The following DRAM1 variants were observed in gnomAD, a reference collection of about 807,000 sequenced individuals.
DRAM1 encodes DNA damage regulated autophagy modulator 1, also known as DNA damage-regulated autophagy modulator protein 1.
DRAM1 carries 25 observed loss-of-function variants against 28.5 expected under a neutral mutation model. The ratio of observed to expected loss-of-function variants is 0.88; its 90% confidence interval spans 0.64 to 1.23. The LOEUF is 1.23. Among genes scored for constraint, DRAM1 ranks in the 50% most tolerant of loss-of-function variants. The probability of loss-of-function intolerance (pLI) is 0.00; values close to 1 mark genes in which losing one functional copy is unlikely to be tolerated. For synonymous variants in DRAM1, 113 were observed against 114.2 expected, an observed-to-expected ratio of 0.99 and a Z score of 0.07; for missense variants, 249 against 299.2, an observed-to-expected ratio of 0.83 and a Z score of 1.24.
At chr12:101,917,561 C>T (rs570400352) in intron 5 of DRAM1, among the ~76,000 whole-genome samples, 1 of 152,036 alleles carries the variant, frequency 6.6e-6, no homozygotes, top group East Asian at 1.9e-4. Context: ...TGGCACACAC[C>T]TGTAGTCCCA....
chr12:101,913,434 G>A (rs1347122748), intron 4 of DRAM1, among the ~76,000 whole-genome samples: 2 of 151,986 alleles, frequency 1.3e-5, no homozygotes, highest in Non-Finnish European at 1.5e-5. Context: ...GGCCGGGCAC[G>A]GTGGCTCATG....
intron 6 of DRAM1, 96 bp downstream of exon 6, chr12:101,920,297 C>G: frequency 3.7e-6 from 1 of 272,796 alleles, no homozygotes; most frequent in African/African-American, 1.1e-4. Flanking sequence ...AGAGCACTTT[C>G]TTTTTTTTTT....
chr12:101,889,481 A>AGAAGGAAG (rs146359103), intron 1 of DRAM1, among the ~76,000 whole-genome samples: 13 of 139,464 alleles, frequency 9.3e-5, no homozygotes, highest in African/African-American at 2.5e-4. Context: ...TGAGAAGAGA[A>AGAAGGAAG]GAAGGAAGGA....
intron 1 of DRAM1, among the ~76,000 whole-genome samples, chr12:101,883,514 C>T (rs979452245): frequency 6.6e-6 from 1 of 151,376 alleles, no homozygotes; most frequent in Non-Finnish European, 1.5e-5. Flanking sequence ...CGGGGTTTCA[C>T]CATGTTAGCC....
At chr12:101,904,977 C>T (rs542521109) in intron 3 of DRAM1, among the ~76,000 whole-genome samples, 1 of 152,304 alleles carries the variant, frequency 6.6e-6, no homozygotes, top group Admixed American at 6.5e-5. Flanking sequence ...TCACTGTAAC[C>T]TTGAACGCTT....
intron 1 of DRAM1, among the ~76,000 whole-genome samples, chr12:101,889,758 G>T (rs1370753384): frequency 6.6e-6 from 1 of 152,060 alleles, no homozygotes; most frequent in Non-Finnish European, 1.5e-5. Context: ...TGGCCAACAT[G>T]ATGAAACCCC....
At chr12:101,903,954 CA>C (rs1873696695) in intron 3 of DRAM1, among the ~76,000 whole-genome samples, 3 of 141,762 alleles carry the variant, frequency 2.1e-5, no homozygotes, top group African/African-American at 9.2e-5. Context: ...CACACACACA[CA>C]CACACACCCC....
chr12:101,903,511 T>C (rs900802797), intron 3 of DRAM1, among the ~76,000 whole-genome samples: 4 of 152,142 alleles, frequency 2.6e-5, no homozygotes, highest in African/African-American at 9.7e-5. Flanking sequence ...AGAATGGTGT[T>C]ACAGGAGTGA....
At chr12:101,914,436 G>A (rs1428160861) in intron 5 of DRAM1, among the ~76,000 whole-genome samples, 1 of 151,512 alleles carries the variant, frequency 6.6e-6, no homozygotes, top group African/African-American at 2.4e-5. Context: ...CTTCCTGGAA[G>A]TATTTTCAAA....
intron 2 of DRAM1, among the ~76,000 whole-genome samples, chr12:101,900,935 A>G (rs77625943): frequency 9.3e-4 from 141 of 152,340 alleles, no homozygotes; most frequent in Non-Finnish European, 1.6e-3. Context: ...ACAGACCATG[A>G]TAAGATCCCT....
chr12:101,878,059 G>C, intron 1 of DRAM1, 139 bp downstream of exon 1: 1 of 1,193,892 alleles, frequency 8.4e-7, no homozygotes, highest in Non-Finnish European at 1.1e-6. Context: ...GAGGAGAGGT[G>C]CTCCCGATAG....
At chr12:101,903,848 TA>T (rs1194421555) in intron 3 of DRAM1, among the ~76,000 whole-genome samples, 4 of 151,678 alleles carry the variant, frequency 2.6e-5, no homozygotes, top group Admixed American at 1.3e-4. Flanking sequence ...AGGAATGCTT[TA>T]GCCCAGGAGT....
intron 1 of DRAM1, among the ~76,000 whole-genome samples, chr12:101,889,671 G>C (rs960704605): frequency 5.3e-5 from 8 of 152,192 alleles, no homozygotes; most frequent in African/African-American, 1.9e-4. Context: ...AGGACGTGGT[G>C]GCTTACGCCT....
rs761922080 is a variant in DRAM1, at chr12:101,914,097, A to G, written c.521-77A>G. On this transcript the variant is annotated intron_variant, in intron 4 of 6. Coordinates refer to ENST00000258534, the MANE Select transcript of DRAM1 (RefSeq NM_018370.3). ...TTTAACACCTTATAATGATTATGTT[A>G]TTAGGAGAATAATGTAGTCTTAACA... 3.3e-4 allele frequency: 300 copies of G among 896,256 alleles called. 1 individual carries two copies. The highest frequency in any genetic ancestry group is 3.9e-4 in the Non-Finnish European group (239 of 606,322). 55.5% of individuals were successfully genotyped at this position (896,256 alleles called of 1,614,324 possible). A position where few individuals can be genotyped will look rare whatever the true frequency, so the allele number is the denominator to read the frequency against.
At chr12:101,881,345 T>G (rs998433916) in intron 1 of DRAM1, among the ~76,000 whole-genome samples, 2 of 113,952 alleles carry the variant, frequency 1.8e-5, no homozygotes, top group Admixed American at 1.7e-4. Flanking sequence ...CCTTGAAATA[T>G]TCAACCTTAT....
At position 101,901,345 on chromosome 12, in the gene DRAM1, G is replaced by A; in HGVS notation, c.254G>A (p.Cys85Tyr). ...ATAGTACAGAAGCAAAATCAAACCT[G>A]CTATTTCAGCACTCCTGTTTTTAAC... ...YKIVQKQNQTCYFSTPVFNLV... is the reference protein window; with the variant it reads ...YKIVQKQNQTYYFSTPVFNLV... The change falls in exon 3 of 7, where the codon TGC becomes TAC. Residue 85 changes from cysteine (C) to tyrosine (Y), a missense_variant. By Grantham distance (194) the Cys-to-Tyr change is radical. Coordinates refer to ENST00000258534, the MANE Select transcript of DRAM1 (RefSeq NM_018370.3). 1 of 1,614,102 alleles carries A rather than the reference G, an allele frequency of 6.2e-7. No individual in the cohort carries two copies. The highest frequency in any genetic ancestry group is 8.5e-7 in the Non-Finnish European group (1 of 1,180,012).
In DRAM1 at chr12:101,920,297, C is replaced by CTTTTTTTTTT. The variant is rs373899697; in HGVS notation, c.672+106_672+115dup. The CTTTTTTTTTT allele has an allele frequency of 2.6e-3, 725 of 276,796 alleles. 6 individuals are homozygous for CTTTTTTTTTT. The highest frequency in any genetic ancestry group is 3.8e-3 in the Middle Eastern group (3 of 784). The allele number at this position is 276,796 out of a possible 1,614,324, so 17.1% of individuals were successfully genotyped here. ...TTTGCATTTTTAAAAAGAGCACTTT[C>CTTTTTTTTTT]TTTTTTTTTTTTTTTTTTTGAGACG... On this transcript the variant is annotated intron_variant, in intron 6 of 6. Coordinates refer to ENST00000258534, the MANE Select transcript of DRAM1 (RefSeq NM_018370.3).
chr12:101,917,341 CAA>C (rs1306672493), intron 5 of DRAM1, among the ~76,000 whole-genome samples: 1 of 152,106 alleles, frequency 6.6e-6, no homozygotes, highest in Non-Finnish European at 1.5e-5. Flanking sequence ...CCTGCCAAGA[CAA>C]GAGAGAGACA....
intron 5 of DRAM1, among the ~76,000 whole-genome samples, chr12:101,916,791 G>C (rs146773523): frequency 6.6e-6 from 1 of 152,324 alleles, no homozygotes; most frequent in East Asian, 1.9e-4. Flanking sequence ...CCACATGCAA[G>C]ACTGTGAAAG....
Sources: gnomAD v4.1 joint callset for allele counts (sites outside exome capture counted in the v4.1 genomes callset) on GRCh38, gnomAD v4.1.1 for gene constraint, MANE v1.5 for transcripts, NCBI Gene and HGNC (gene_info 2026-07-23, HGNC 2026-07-21) for gene names.